The following MRTFB variants were observed in gnomAD, a reference collection of about 807,000 sequenced individuals.
The protein encoded by MRTFB is myocardin related transcription factor B, also known as myocardin-related transcription factor B.
A neutral mutation model predicts 104.2 loss-of-function variants in MRTFB; 29 were observed. That is an observed-to-expected ratio of 0.28 (90% confidence interval 0.21 to 0.38). The LOEUF (loss-of-function observed/expected upper bound fraction) is 0.38. MRTFB is among the 10% of genes least tolerant of loss of function. The pLI, the probability that MRTFB is intolerant of heterozygous loss-of-function variation, is 1.00. For synonymous variants in MRTFB, 535 were observed against 519.5 expected (o/e 1.03, Z -0.41); for missense variants, 1,270 against 1,341.6 (o/e 0.95, Z 0.83).
At chr16:14,207,013 TTC>T (rs2151147908) in intron 3 of MRTFB, among the ~76,000 whole-genome samples, 1 of 152,302 alleles carries the variant, frequency 6.6e-6, no homozygotes, top group Non-Finnish European at 1.5e-5. Context: ...ATTCATGTTC[TTC>T]CTAACGTCGC....
rs1198939518 is a variant in MRTFB at position 14,197,341 on chromosome 16, T to C, written c.155-12902T>C. Among the ~76,000 whole-genome samples, 6 of 152,184 alleles carry C rather than the reference T, an allele frequency of 3.9e-5. No homozygotes were observed. The East Asian group carries it at 1.2e-3, about 29-fold the overall frequency. On this transcript the variant is annotated intron_variant, in intron 3 of 16. Coordinates refer to ENST00000571589, the MANE Select transcript of MRTFB (RefSeq NM_001308142.2). ...TCTAAGTGGAGAAATCTACCACTTT[T>C]TCATGGCCTTCTTTACTTTTTTACT...
rs763813994 is a variant in MRTFB, at chr16:14,247,464, G to C, written c.2204G>C (p.Ser735Thr). ...LLLPVSIQGS[S>T]VTSVQLPVGS... Reference sequence around the variant, plus strand: ...CTCCCAGTGTCCATCCAGGGCTCGAGTGTCACCTCAGTGCAACTCCCTGTA... The same window carrying C: ...CTCCCAGTGTCCATCCAGGGCTCGACTGTCACCTCAGTGCAACTCCCTGTA... The change falls in exon 12 of 17, where the codon AGT becomes ACT. Residue 735 changes from serine to threonine, a missense_variant. Around this residue, in one of 3 missense-constraint regions of MRTFB, gnomAD observed 1,144 missense variants for 1,131.5 expected, o/e 1.01. Coordinates refer to ENST00000571589, the MANE Select transcript of MRTFB (RefSeq NM_001308142.2). 1 of 1,589,086 alleles carries C rather than the reference G, an allele frequency of 6.3e-7. No individual in the cohort carries two copies. The highest frequency in any genetic ancestry group is 8.5e-7 in the Non-Finnish European group (1 of 1,172,370).
At chr16:14,103,653 A>T (rs1345398483) in intron 2 of MRTFB, among the ~76,000 whole-genome samples, 1 of 152,170 alleles carries the variant, frequency 6.6e-6, no homozygotes, top group Non-Finnish European at 1.5e-5. Flanking sequence ...GTTTGCTACA[A>T]ATATAGTCTG....
chr16:14,006,351 A>G, the MRTFB span, among the ~76,000 whole-genome samples: 1 of 152,022 alleles, frequency 6.6e-6, no homozygotes, highest in Non-Finnish European at 1.5e-5. Flanking sequence ...TCAAAAGAAA[A>G]AAAAAAATAC....
At chr16:14,095,750 A>G (rs2035325525) in intron 2 of MRTFB, among the ~76,000 whole-genome samples, 1 of 152,224 alleles carries the variant, frequency 6.6e-6, no homozygotes, top group African/African-American at 2.4e-5. Context: ...AACCATCTTC[A>G]CTTTTCAAAA....
the MRTFB span, among the ~76,000 whole-genome samples, chr16:14,037,408 T>C: frequency 1.3e-5 from 2 of 152,268 alleles, no homozygotes; most frequent in East Asian, 3.9e-4. Context: ...TTTTAAGTGT[T>C]GAGGAGACAC....
At position 14,265,613 on chromosome 16, in the gene MRTFB, A is replaced by G. The variant is rs2043921414; in HGVS notation, c.*4169A>G. 1.3e-5 allele frequency: 2 copies of G among 152,250 alleles called. No individual in the cohort carries two copies. The highest frequency in any genetic ancestry group is 1.3e-4 in the Admixed American group (2 of 15,284). 9.4% of individuals were successfully genotyped at this position (152,250 alleles called of 1,614,324 possible). The stretch of plus-strand genomic sequence containing the variant: ...TGACTCTGTCTGCATGGCAATGAGC[A>G]GGTGCGTGTTTTTTCCACATTCGCC... On this transcript the variant is annotated 3_prime_UTR_variant, in exon 17 of 17. Coordinates refer to ENST00000571589, the MANE Select transcript of MRTFB (RefSeq NM_001308142.2).
At chr16:14,186,023 G>A (rs1202557042) in intron 3 of MRTFB, among the ~76,000 whole-genome samples, 1 of 152,170 alleles carries the variant, frequency 6.6e-6, no homozygotes, top group African/African-American at 2.4e-5. Context: ...AATAGAAGCT[G>A]TCAGTGTTGC....
chr16:14,217,344 A>T, intron 7 of MRTFB, 57 bp downstream of exon 7: 1 of 1,457,342 alleles, frequency 6.9e-7, no homozygotes, highest in Non-Finnish European at 9.3e-7. Flanking sequence ...GAAATTTTAG[A>T]TAAAACAAAT....
intron 13 of MRTFB, among the ~76,000 whole-genome samples, chr16:14,250,436 A>T (rs1474005106): frequency 1.3e-5 from 2 of 152,224 alleles, no homozygotes; most frequent in Non-Finnish European, 2.9e-5. Flanking sequence ...TGGAGGTGCT[A>T]AACAAAACAT....
chr16:14,241,964 C>CAATAATAAT (rs34609591), intron 10 of MRTFB, among the ~76,000 whole-genome samples: 222 of 138,586 alleles, frequency 1.6e-3, no homozygotes, highest in East Asian at 9.7e-3. Context: ...CATTGGGCAC[C>CAATAATAAT]AATAATAATA....
At chr16:14,131,819 C>G (rs2037456438) in intron 2 of MRTFB, among the ~76,000 whole-genome samples, 1 of 151,810 alleles carries the variant, frequency 6.6e-6, no homozygotes, top group African/African-American at 2.4e-5. Context: ...GGAACCCCAA[C>G]TTTTGCTGGT....
At chr16:14,019,379 A>G in the MRTFB span, 39 of 152,352 alleles carry the variant, frequency 2.6e-4, no homozygotes, top group East Asian at 6.8e-3. Context: ...ACAATATTCT[A>G]TGAAGCCAGC....
intron 8 of MRTFB, among the ~76,000 whole-genome samples, chr16:14,223,752 C>G (rs898347396): frequency 6.6e-6 from 1 of 152,078 alleles, no homozygotes; most frequent in Non-Finnish European, 1.5e-5. Flanking sequence ...AATGTATTCA[C>G]TATGAGAGTT....
At chr16:14,148,359 T>C (rs528946072) in intron 3 of MRTFB, among the ~76,000 whole-genome samples, 1 of 152,294 alleles carries the variant, frequency 6.6e-6, no homozygotes, top group Admixed American at 6.5e-5. Context: ...AAGATAGTTT[T>C]GGACACCTGT....
intron 4 of MRTFB, 107 bp from the exon 5 acceptor site, chr16:14,212,247 C>T (rs2041222477): frequency 9.6e-7 from 1 of 1,037,200 alleles, no homozygotes; most frequent in African/African-American, 1.6e-5. Flanking sequence ...ATTAATGGAA[C>T]TGTAGTTGTG....
At chr16:14,039,397 C>A in the MRTFB span, among the ~76,000 whole-genome samples, 1 of 152,054 alleles carries the variant, frequency 6.6e-6, no homozygotes, top group Admixed American at 6.6e-5. Flanking sequence ...TACAGGGAGA[C>A]TGTGGAATGA....
At chr16:14,175,812 A>G (rs1363823326) in intron 3 of MRTFB, among the ~76,000 whole-genome samples, 1 of 152,188 alleles carries the variant, frequency 6.6e-6, no homozygotes, top group Admixed American at 6.5e-5. Flanking sequence ...AGGTGCAACA[A>G]TGTGCATGAA....
chr16:14,099,755 C>T lies in MRTFB; in HGVS notation c.-64+20401C>T, dbSNP rs576066911. Among the ~76,000 whole-genome samples, 4 of 152,008 alleles carry T rather than the reference C, an allele frequency of 2.6e-5. No homozygotes were observed. The South Asian group carries it at 6.2e-4, about 24-fold the overall frequency. ...CGATCTCGGCTCACTGCAGCCTCCGCCTCCTTGGTTCCAGCAATTCTCCTG... is the reference window on the plus strand; with the variant it reads ...CGATCTCGGCTCACTGCAGCCTCCGTCTCCTTGGTTCCAGCAATTCTCCTG... On this transcript the variant is annotated intron_variant, in intron 2 of 16. Coordinates refer to ENST00000571589, the MANE Select transcript of MRTFB (RefSeq NM_001308142.2).
Sources: gnomAD v4.1 joint callset for allele counts (sites outside exome capture counted in the v4.1 genomes callset) on GRCh38, gnomAD v4.1.1 for gene constraint, gnomAD v4.1.1 regional missense constraint, MANE v1.5 for transcripts, NCBI Gene and HGNC (gene_info 2026-07-23, HGNC 2026-07-21) for gene names.